CATSPERG: variants seen among roughly 807,000 people sequenced by gnomAD.
The protein encoded by CATSPERG is cation channel sperm-associated auxiliary subunit gamma.
CATSPERG carries 115 observed loss-of-function variants against 145.0 expected under a neutral mutation model. The ratio of observed to expected loss-of-function variants is 0.79; its 90% CI spans 0.68 to 0.93. The LOEUF is 0.93. Ranked by LOEUF, CATSPERG falls within the 40% of genes least tolerant of loss-of-function variation. CATSPERG has a pLI of 0.00. For synonymous variants in CATSPERG, 588 were observed against 589.0 expected (o/e 1.00, Z 0.02); for missense variants, 1,296 against 1,490.1 (o/e 0.87, Z 2.14).
chr19:38,353,990 C>CAAAA (rs965226814), intron 8 of CATSPERG, among the ~76,000 whole-genome samples: 8 of 30,544 alleles, frequency 2.6e-4, no homozygotes, highest in South Asian at 1.2e-3. Context: ...GACTCTGTCT[C>CAAAA]AAAAAAAAAA....
chr19:38,346,220 A>G (rs1488712683), intron 6 of CATSPERG, among the ~76,000 whole-genome samples: 2 of 152,168 alleles, frequency 1.3e-5, no homozygotes, highest in African/African-American at 4.8e-5. Flanking sequence ...ATCAGGAGAA[A>G]CAGAGGCCCT....
chr19:38,356,737 C>G lies in CATSPERG; in HGVS notation c.1196-5C>G. On this transcript the variant is annotated splice_region_variant and splice_polypyrimidine_tract_variant and intron_variant, in intron 10 of 28. Transcript: ENST00000409235. ...GCGGCTCTGGACTGCCCCTTTCCCT[C>G]TCAGTTACCACCTGCTCCATAATTT... The G allele has an allele frequency of 6.2e-7, 1 of 1,614,002 alleles. No homozygotes were observed. Among genetic ancestry groups the G allele is most frequent in the African/African-American group, 1.3e-5 (1 of 75,026 alleles).
intron 3 of CATSPERG, 138 bp from the exon 4 acceptor site, chr19:38,343,442 A>G (rs1969970809): frequency 1.3e-6 from 1 of 775,970 alleles, no homozygotes; most frequent in East Asian, 2.8e-5. Context: ...AACCTAGACC[A>G]TGTCCTCTGA....
rs562376074 is a variant in CATSPERG at position 38,361,629 on chromosome 19, C to T, written c.1881-19C>T. On this transcript the variant is annotated intron_variant, in intron 16 of 28. Transcript: ENST00000409235. ...GGGTGCCTTAGAGCCAGCAGCCTTT[C>T]CCCCTTGCCACTGCCCAGGGGCTAC... The T allele has an allele frequency of 9.9e-5, 158 of 1,596,106 alleles. No homozygotes were observed. The highest frequency in any genetic ancestry group is 7.6e-4 in the Admixed American group (45 of 58,918).
At position 38,370,622 on chromosome 19, in the gene CATSPERG, A is replaced by G; in HGVS notation, c.3310A>G (p.Lys1104Glu). Residue 1104 changes from lysine to glutamate, a missense_variant, in exon 29 of 29, where the codon AAG becomes GAG. Coordinates refer to ENST00000409235, the MANE Select transcript of CATSPERG (RefSeq NM_021185.5). ...GAAGGGCTGCACGATGATCCGGTGG[A>G]AGATAAACAACCTCATTGCCTCAGA... Reference protein sequence around the residue: ...VVKGCTMIRWKINNLIASESY... With the variant: ...VVKGCTMIRWEINNLIASESY... 1.2e-6 allele frequency: 2 copies of G among 1,614,134 alleles called. No homozygotes were observed. Among genetic ancestry groups the G allele is most frequent in the Non-Finnish European group, 1.7e-6 (2 of 1,180,030 alleles).
Position 38,368,164 on chromosome 19 carries a change from G to T in CATSPERG, c.3020+27G>T, listed in dbSNP as rs1315235139. On this transcript the variant is annotated intron_variant, in intron 26 of 28. Transcript: ENST00000409235. Reference sequence around the variant, plus strand: ...TGAGTGCGTAGCCTGGCCCCTCTTGGCCCCCATCTGTCGGTAGTCCATTGG... The same window carrying T: ...TGAGTGCGTAGCCTGGCCCCTCTTGTCCCCCATCTGTCGGTAGTCCATTGG... 2.5e-6 allele frequency: 4 copies of T among 1,603,582 alleles called. No individual in the cohort carries two copies. In the African/African-American group the frequency reaches 4.0e-5, roughly 16 times the overall value.
chr19:38,337,185 GT>G, intron 1 of CATSPERG, 35 bp from the exon 2 acceptor site: 1 of 1,541,644 alleles, frequency 6.5e-7, no homozygotes, highest in Non-Finnish European at 8.8e-7. Flanking sequence ...CCAGAGAGCT[GT>G]CCGGCGCGTG....
intron 8 of CATSPERG, among the ~76,000 whole-genome samples, chr19:38,353,513 C>T (rs1293640338): frequency 1.3e-5 from 2 of 151,502 alleles, no homozygotes; most frequent in Non-Finnish European, 1.5e-5. Flanking sequence ...ATGGTGAAAC[C>T]CCGTCTCTAC....
chr19:38,363,397 G>A (rs1015024141), intron 20 of CATSPERG, among the ~76,000 whole-genome samples: 8 of 151,594 alleles, frequency 5.3e-5, no homozygotes, highest in African/African-American at 1.2e-4. Context: ...GGCTGGCCTC[G>A]AATTCCTGGA....
chr19:38,370,119 G>T (rs181024486), intron 27 of CATSPERG, 40 bp from the exon 28 acceptor site: 1 of 1,613,270 alleles, frequency 6.2e-7, no homozygotes, highest in Non-Finnish European at 8.5e-7. Flanking sequence ...GGAATGCCTG[G>T]CTTCTCCTCT....
chr19:38,336,932 A>G (rs536189463), intron 1 of CATSPERG: 30 of 502,970 alleles, frequency 6.0e-5, no homozygotes, highest in African/African-American at 2.0e-5. Context: ...TGCGATACCC[A>G]CGAGGGTCGG....
intron 26 of CATSPERG, among the ~76,000 whole-genome samples, chr19:38,368,403 T>C (rs11880532): frequency 0.17 from 25,882 of 152,208 alleles, 2,948 homozygotes; most frequent in East Asian, 0.54. Flanking sequence ...TCATGGCTCC[T>C]ATGGCCTCTT....
chr19:38,342,346 T>C (rs1287674092), intron 3 of CATSPERG, among the ~76,000 whole-genome samples: 2 of 151,966 alleles, frequency 1.3e-5, no homozygotes, highest in Non-Finnish European at 2.9e-5. Flanking sequence ...ATGCCTGTAA[T>C]CCCAGCACTT....
At chr19:38,362,090 T>C in intron 17 of CATSPERG, 120 bp from the exon 18 acceptor site, 1 of 1,143,440 alleles carries the variant, frequency 8.7e-7, no homozygotes, top group Non-Finnish European at 1.3e-6. Context: ...CTGGGGTGTG[T>C]ATCTTCTGCT....
rs1969864778 is a variant in CATSPERG at position 38,337,646 on chromosome 19, G to T, written c.324G>T (p.Lys108Asn). 2.6e-6 allele frequency: 4 copies of T among 1,551,636 alleles called. No homozygotes were observed. Among genetic ancestry groups the T allele is most frequent in the Non-Finnish European group, 3.5e-6 (4 of 1,146,922 alleles). The change falls in exon 3 of 29, where the codon AAG (lysine) becomes AAT (asparagine). Residue 108 changes from lysine to asparagine, a missense_variant and splice_region_variant. Lys to Asn is a moderately conservative substitution (Grantham distance 94). Coordinates refer to ENST00000409235, the MANE Select transcript of CATSPERG (RefSeq NM_021185.5). ...YLKINYSCEE[K>N]PSEDLVRMGH... ...AGATCAACTACTCCTGCGAGGAAAA[G>T]GTGAGTGGGTGCAGCACGGATAGGC...
At chr19:38,350,108 A>C (rs572610162) in intron 7 of CATSPERG, among the ~76,000 whole-genome samples, 1 of 152,094 alleles carries the variant, frequency 6.6e-6, no homozygotes, top group Non-Finnish European at 1.5e-5. Context: ...AGGGCAAGCC[A>C]TTTTCTTTTA....
At chr19:38,365,024 G>A (rs769596247) in intron 21 of CATSPERG, 37 bp from the exon 22 acceptor site, 68 of 1,613,626 alleles carry the variant, frequency 4.2e-5, no homozygotes, top group Middle Eastern at 1.7e-4. Flanking sequence ...AGCCTGGGCC[G>A]GCGGGGATCA....
Position 38,352,413 on chromosome 19 carries a change from T to C in CATSPERG, c.978T>C (p.Tyr326=). The change falls in exon 8 of 29, where the codon TAT becomes TAC. Residue 326 remains tyrosine, a synonymous_variant. Transcript: ENST00000409235. The part of the protein sequence containing the change: ...YYFTGTYTTL[Y]ERNRGSGSWI... The stretch of plus-strand genomic sequence containing the variant: ...TTACAGGCACCTATACCACACTCTA[T>C]GAGAGAAACCGCGGCAGTGGTGAGT... 6.4e-7 allele frequency: 1 copy of C among 1,551,380 alleles called. No individual in the cohort carries two copies. The highest frequency in any genetic ancestry group is 8.7e-7 in the Non-Finnish European group (1 of 1,147,024).
In CATSPERG at chr19:38,353,837, C is replaced by A. The variant is rs372142441; in HGVS notation, c.998-873C>A. Among the ~76,000 whole-genome samples, 743 of 149,014 alleles carry A rather than the reference C, an allele frequency of 5.0e-3. 6 individuals carry two copies. Among genetic ancestry groups the A allele is most frequent in the African/African-American group, 0.017 (698 of 40,480 alleles). On this transcript the variant is annotated intron_variant, in intron 8 of 28. Coordinates refer to ENST00000409235, the MANE Select transcript of CATSPERG (RefSeq NM_021185.5). ...TGAAACCCCGTCTCTACTAAAAATA[C>A]AAAAATTAGCTGGGTGTGGTGGCAT...
Sources: gnomAD v4.1 joint callset for allele counts (sites outside exome capture counted in the v4.1 genomes callset) on GRCh38, gnomAD v4.1.1 for gene constraint, MANE v1.5 for transcripts, NCBI Gene and HGNC (gene_info 2026-07-23, HGNC 2026-07-21) for gene names.